RCAN2: variants seen among roughly 807,000 people sequenced by gnomAD.
RCAN2 encodes the protein regulator of calcineurin 2.
Under a neutral mutation model 23.6 loss-of-function variants are expected in RCAN2, and 9 were observed. That is an observed-to-expected ratio of 0.38 (90% CI 0.23 to 0.67). The LOEUF (loss-of-function observed/expected upper bound fraction) is 0.67, where lower values mean the gene tolerates loss of function less well. Ranked by LOEUF, RCAN2 falls within the 30% of genes least tolerant of loss-of-function variation. The probability of loss-of-function intolerance (pLI) is 0.51; values close to 1 mark genes in which losing one functional copy is unlikely to be tolerated. For missense variants in RCAN2, 273 were observed against 302.3 expected, an observed-to-expected ratio of 0.90 and a Z score of 0.72; for synonymous variants, 109 against 115.7, an observed-to-expected ratio of 0.94 and a Z score of 0.37.
At chr6:46,489,726 A>T (rs1561925851) in intron 1 of RCAN2, among the ~76,000 whole-genome samples, 1 of 152,228 alleles carries the variant, frequency 6.6e-6, no homozygotes, top group Non-Finnish European at 1.5e-5. Context: ...AGAATCATGT[A>T]GCTTTAGATG....
At chr6:46,386,274 A>C (rs2150395928) in intron 2 of RCAN2, among the ~76,000 whole-genome samples, 1 of 152,186 alleles carries the variant, frequency 6.6e-6, no homozygotes, top group African/African-American at 2.4e-5. Context: ...AAAAAGCTCA[A>C]CATCACTGAT....
rs115127132 is a variant in RCAN2, at chr6:46,375,249, C to T, written c.225+81503G>A. Among the ~76,000 whole-genome samples, 286 of 152,236 alleles carry T rather than the reference C, an allele frequency of 1.9e-3. 1 individual carries two copies. Among genetic ancestry groups the T allele is most frequent in the African/African-American group, 6.5e-3 (271 of 41,548 alleles). The stretch of plus-strand genomic sequence containing the variant: ...TGTGAACCACCATGCCTGGGCAACT[C>T]GCAGTGTGAAGTTCAATTCATGAGG... On this transcript the variant is annotated intron_variant, in intron 2 of 4. Transcript: ENST00000371374.
At chr6:46,491,516 C>A (rs896283684), upstream of RCAN2, among the ~76,000 whole-genome samples, 1 of 151,972 alleles carries the variant, frequency 6.6e-6, no homozygotes, top group Non-Finnish European at 1.5e-5. Context: ...AGCTCCGACT[C>A]ATCGGGCCAA....
intron 2 of RCAN2, among the ~76,000 whole-genome samples, chr6:46,405,188 C>T (rs574294021): frequency 6.6e-6 from 1 of 152,226 alleles, no homozygotes; most frequent in South Asian, 2.1e-4. Context: ...TTTTTTCCTT[C>T]TGGTGGGTTT....
intron 2 of RCAN2, among the ~76,000 whole-genome samples, chr6:46,294,998 T>C (rs1762675858): frequency 1.3e-5 from 2 of 151,736 alleles, no homozygotes; most frequent in South Asian, 4.2e-4. Context: ...AAAGAGAAAA[T>C]GTGTGGGTCT....
At chr6:46,266,196 C>A (rs541522848) in intron 2 of RCAN2, among the ~76,000 whole-genome samples, 1 of 152,136 alleles carries the variant, frequency 6.6e-6, no homozygotes, top group Non-Finnish European at 1.5e-5. Context: ...CATTTAAGAC[C>A]TAAGCACTTC....
At chr6:46,378,236 G>T (rs190637612) in intron 2 of RCAN2, among the ~76,000 whole-genome samples, 3 of 152,114 alleles carry the variant, frequency 2.0e-5, no homozygotes, top group African/African-American at 7.2e-5. Flanking sequence ...GGCTTCTTAT[G>T]AGTGGATAAA....
At chr6:46,358,435 C>G (rs1764905923) in intron 2 of RCAN2, among the ~76,000 whole-genome samples, 1 of 152,158 alleles carries the variant, frequency 6.6e-6, no homozygotes, top group Non-Finnish European at 1.5e-5. Flanking sequence ...GCCTGAGAGT[C>G]TCCCATCCCT....
chr6:46,311,485 G>A (rs1245803071), intron 2 of RCAN2, among the ~76,000 whole-genome samples: 1 of 152,196 alleles, frequency 6.6e-6, no homozygotes, highest in Non-Finnish European at 1.5e-5. Context: ...TTACCTAAGT[G>A]AATGGCAGCA....
At chr6:46,365,581 A>T (rs917105647) in intron 2 of RCAN2, among the ~76,000 whole-genome samples, 1 of 152,236 alleles carries the variant, frequency 6.6e-6, no homozygotes, top group African/African-American at 2.4e-5. Context: ...AAGTTTGGAG[A>T]CGGCTGCTAT....
intron 4 of RCAN2, among the ~76,000 whole-genome samples, chr6:46,225,178 A>C (rs987275066): frequency 2.6e-5 from 4 of 152,172 alleles, no homozygotes; most frequent in African/African-American, 7.2e-5. Context: ...AATCCAGTCT[A>C]TCATTGATGG....
At chr6:46,305,206 A>G (rs1398272856) in intron 2 of RCAN2, among the ~76,000 whole-genome samples, 1 of 152,100 alleles carries the variant, frequency 6.6e-6, no homozygotes, top group Non-Finnish European at 1.5e-5. Context: ...CTTGGTAGTC[A>G]ATGCATGGAG....
intron 2 of RCAN2, among the ~76,000 whole-genome samples, chr6:46,305,616 C>CTTTGA (rs1405136729): frequency 6.6e-6 from 1 of 152,024 alleles, no homozygotes; most frequent in Non-Finnish European, 1.5e-5. Flanking sequence ...AAGAAAGACT[C>CTTTGA]ACACCTTTAC....
chr6:46,313,887 G>A (rs1294004042), intron 2 of RCAN2, among the ~76,000 whole-genome samples: 1 of 152,164 alleles, frequency 6.6e-6, no homozygotes, highest in Admixed American at 6.5e-5. Flanking sequence ...ATACTATTTT[G>A]CTAAGCACTA....
chr6:46,486,799 T>C (rs950851975), intron 1 of RCAN2, among the ~76,000 whole-genome samples: 1 of 152,196 alleles, frequency 6.6e-6, no homozygotes, highest in Non-Finnish European at 1.5e-5. Flanking sequence ...AAATATTTTC[T>C]GTGGGCATTC....
At chr6:46,443,210 T>C (rs1767604170) in intron 2 of RCAN2, among the ~76,000 whole-genome samples, 2 of 152,214 alleles carry the variant, frequency 1.3e-5, no homozygotes, top group South Asian at 4.1e-4. Flanking sequence ...AATTTAACTG[T>C]TACCTGCTTT....
At chr6:46,456,183 T>A (rs534586760) in intron 2 of RCAN2, among the ~76,000 whole-genome samples, 5 of 152,004 alleles carry the variant, frequency 3.3e-5, no homozygotes, top group Admixed American at 3.3e-4. Context: ...AATTGAGGAG[T>A]TGCTGCTTCA....
At chr6:46,485,787 C>T (rs2150449660) in intron 1 of RCAN2, among the ~76,000 whole-genome samples, 2 of 152,270 alleles carry the variant, frequency 1.3e-5, no homozygotes, top group South Asian at 4.1e-4. Flanking sequence ...AAACCACAGT[C>T]TCCTTCCCCC....
chr6:46,327,660 A>G (rs1763837645), intron 2 of RCAN2, among the ~76,000 whole-genome samples: 1 of 152,244 alleles, frequency 6.6e-6, no homozygotes. Context: ...ATATTTTTTC[A>G]TATGCCATGG....
Sources: gnomAD v4.1 joint callset for allele counts (sites outside exome capture counted in the v4.1 genomes callset) on GRCh38, gnomAD v4.1.1 for gene constraint, MANE v1.5 for transcripts, NCBI Gene and HGNC (gene_info 2026-07-23, HGNC 2026-07-21) for gene names.